Variants in NALF1 observed in about 807,000 individuals in gnomAD.
The protein encoded by NALF1 is family with sequence similarity 155 member A.
In NALF1, 3 loss-of-function variants were observed where a neutral mutation model predicts 48.4. That is an observed-to-expected ratio of 0.06 (90% confidence interval 0.03 to 0.16). NALF1 has a LOEUF of 0.16. Ranked by LOEUF, NALF1 falls within the 10% of genes least tolerant of loss-of-function variation. The probability of loss-of-function intolerance (pLI) is 1.00; values close to 1 mark genes in which losing one functional copy is unlikely to be tolerated. For missense variants in NALF1, 526 were observed against 571.5 expected, an observed-to-expected ratio of 0.92 and a Z score of 0.81; for synonymous variants, 262 against 245.7, an observed-to-expected ratio of 1.07 and a Z score of -0.62.
intron 1 of NALF1, among the ~76,000 whole-genome samples, chr13:107,732,189 T>C (rs1164803206): frequency 1.3e-5 from 2 of 152,076 alleles, no homozygotes; most frequent in Non-Finnish European, 2.9e-5. Flanking sequence ...ACTTACTATA[T>C]ATACTATGTA....
intron 1 of NALF1, among the ~76,000 whole-genome samples, chr13:107,498,783 A>G (rs2139075965): frequency 6.6e-6 from 1 of 152,268 alleles, no homozygotes; most frequent in Admixed American, 6.5e-5. Flanking sequence ...GACAAGGGAA[A>G]CGAAAACAGT....
intron 1 of NALF1, among the ~76,000 whole-genome samples, chr13:107,367,725 T>C (rs945450824): frequency 6.6e-6 from 1 of 152,160 alleles, no homozygotes; most frequent in Non-Finnish European, 1.5e-5. Context: ...TCATTTGACA[T>C]CATGGCTACC....
At chr13:107,766,147 C>A (rs1043532881) in intron 1 of NALF1, among the ~76,000 whole-genome samples, 2 of 152,152 alleles carry the variant, frequency 1.3e-5, no homozygotes, top group Admixed American at 6.5e-5. Context: ...GTACGTGCAG[C>A]AATAATGAGG....
chr13:107,587,185 G>A (rs1209081623), intron 1 of NALF1, among the ~76,000 whole-genome samples: 1 of 151,974 alleles, frequency 6.6e-6, no homozygotes, highest in Non-Finnish European at 1.5e-5. Flanking sequence ...GTAGGTGTAG[G>A]ACAGTCAGGA....
At chr13:107,751,763 G>A (rs1477975499) in intron 1 of NALF1, among the ~76,000 whole-genome samples, 2 of 152,064 alleles carry the variant, frequency 1.3e-5, no homozygotes, top group African/African-American at 4.8e-5. Context: ...GTAACCGACT[G>A]CTTACCCTAA....
intron 1 of NALF1, among the ~76,000 whole-genome samples, chr13:107,690,805 A>G (rs1881550626): frequency 6.6e-6 from 1 of 152,216 alleles, no homozygotes; most frequent in Non-Finnish European, 1.5e-5. Flanking sequence ...TTCCTGCTAT[A>G]AACGCTCGTG....
intron 1 of NALF1, among the ~76,000 whole-genome samples, chr13:107,834,061 C>A (rs1469546810): frequency 6.6e-6 from 1 of 151,958 alleles, no homozygotes; most frequent in African/African-American, 2.4e-5. Flanking sequence ...TAATAAATAA[C>A]AATATGACAA....
In NALF1 at chr13:107,560,615, ATTAG is replaced by A. The variant is rs541965264; in HGVS notation, c.915+305063_915+305066del. On this transcript the variant is annotated intron_variant, in intron 1 of 2. Transcript: ENST00000375915. ...AGCAGTTCACCAAAACTATGTCATTATTAGTATGTTCTTTCTGCTCATGTGTTTA... is the reference window on the plus strand; with the variant it reads ...AGCAGTTCACCAAAACTATGTCATTATATGTTCTTTCTGCTCATGTGTTTA... 4.0e-3 allele frequency among the ~76,000 whole-genome samples: 608 copies of A among 152,294 alleles called. 4 individuals carry two copies. Among genetic ancestry groups the A allele is most frequent in the African/African-American group, 0.014 (583 of 41,566 alleles).
chr13:107,270,321 C>T (rs981685737), intron 1 of NALF1, among the ~76,000 whole-genome samples: 1 of 151,982 alleles, frequency 6.6e-6, no homozygotes, highest in African/African-American at 2.4e-5. Flanking sequence ...GCAATACATG[C>T]ACTATACACT....
At chr13:107,275,633 T>C (rs1881265492) in intron 1 of NALF1, among the ~76,000 whole-genome samples, 1 of 152,174 alleles carries the variant, frequency 6.6e-6, no homozygotes, top group Non-Finnish European at 1.5e-5. Context: ...AAGTATCTGA[T>C]CTCCAGGTCT....
At chr13:107,250,641 A>G (rs887858083) in intron 1 of NALF1, among the ~76,000 whole-genome samples, 11 of 152,314 alleles carry the variant, frequency 7.2e-5, no homozygotes, top group African/African-American at 2.6e-4. Context: ...GTTTCGGCGC[A>G]TTGGTAGAGC....
intron 1 of NALF1, among the ~76,000 whole-genome samples, chr13:107,544,197 C>T (rs1257354826): frequency 6.6e-6 from 1 of 152,122 alleles, no homozygotes; most frequent in Non-Finnish European, 1.5e-5. Flanking sequence ...ATCTCTTTCA[C>T]TCACATAAAG....
intron 2 of NALF1, among the ~76,000 whole-genome samples, chr13:107,204,229 T>G (rs1171438204): frequency 6.8e-6 from 1 of 147,280 alleles, no homozygotes; most frequent in Non-Finnish European, 1.5e-5. Flanking sequence ...TGGAGGCAGG[T>G]TGTCTTCCTC....
intron 1 of NALF1, among the ~76,000 whole-genome samples, chr13:107,376,218 G>C (rs1883334708): frequency 6.6e-6 from 1 of 152,104 alleles, no homozygotes; most frequent in Non-Finnish European, 1.5e-5. Flanking sequence ...CCCTTCAAGT[G>C]ACTGCAGTCC....
At chr13:107,344,155 G>A (rs890559201) in intron 1 of NALF1, among the ~76,000 whole-genome samples, 1 of 152,000 alleles carries the variant, frequency 6.6e-6, no homozygotes, top group Non-Finnish European at 1.5e-5. Context: ...TTAGAAAATC[G>A]CAACAGATTT....
intron 1 of NALF1, among the ~76,000 whole-genome samples, chr13:107,727,492 A>C (rs1333034636): frequency 2.0e-5 from 3 of 152,126 alleles, no homozygotes; most frequent in Non-Finnish European, 4.4e-5. Flanking sequence ...GGGAAAGATA[A>C]AAGGCTTCCT....
At chr13:107,533,075 A>G (rs577576407) in intron 1 of NALF1, among the ~76,000 whole-genome samples, 1 of 152,236 alleles carries the variant, frequency 6.6e-6, no homozygotes, top group South Asian at 2.1e-4. Context: ...TTTGACTTAA[A>G]CTTTTATTTA....
chr13:107,472,788 T>C (rs893521405), intron 1 of NALF1, among the ~76,000 whole-genome samples: 4 of 152,190 alleles, frequency 2.6e-5, no homozygotes, highest in African/African-American at 9.7e-5. Context: ...ACTGGCTTCC[T>C]GGCTCCTCAG....
At chr13:107,747,799 G>A (rs1346691272) in intron 1 of NALF1, among the ~76,000 whole-genome samples, 1 of 152,134 alleles carries the variant, frequency 6.6e-6, no homozygotes, top group Non-Finnish European at 1.5e-5. Context: ...CAATTAAAAT[G>A]TATAAGACTC....
Sources: gnomAD v4.1 joint callset for allele counts (sites outside exome capture counted in the v4.1 genomes callset) on GRCh38, gnomAD v4.1.1 for gene constraint, MANE v1.5 for transcripts, NCBI Gene and HGNC (gene_info 2026-07-23, HGNC 2026-07-21) for gene names.